Variants in WDHD1 observed in about 807,000 individuals in gnomAD.
WDHD1 encodes the protein WD repeat and HMG-box DNA binding protein 1, also known as WD repeat and HMG-box DNA-binding protein 1.
WDHD1 carries 111 observed loss-of-function variants against 135.4 expected under a neutral mutation model. That is an observed-to-expected ratio of 0.82 (90% CI 0.70 to 0.96). The LOEUF is 0.96. Among genes scored for constraint, WDHD1 ranks in the 40% least tolerant of loss-of-function variants. The probability of loss-of-function intolerance (pLI) is 0.00; values close to 1 mark genes in which losing one functional copy is unlikely to be tolerated. For synonymous variants in WDHD1, 434 were observed against 439.0 expected, an observed-to-expected ratio of 0.99 and a Z score of 0.14; for missense variants, 1,351 against 1,336.3, an observed-to-expected ratio of 1.01 and a Z score of -0.17.
rs761368033 is a variant in WDHD1 at position 55,000,962 on chromosome 14, C to G, written c.724G>C (p.Gly242Arg). The change falls in exon 9 of 26, where the codon GGG becomes CGG. Residue 242 changes from glycine to arginine, a missense_variant. By Grantham distance (125) the Gly-to-Arg change is moderately radical (BLOSUM62 -2). This residue lies in a region of WDHD1 where 1,330 missense variants were observed against 1,296.1 expected (regional missense o/e 1.03). Coordinates refer to ENST00000360586, the MANE Select transcript of WDHD1 (RefSeq NM_007086.4). ...TLNIVTWSPC[G>R]QYLAAGSING... ...ATACTACCTGCAGCTAAATATTGCC[C>G]ACAGGGAGACCAGGTTACTATATTG... is the stretch of plus-strand genomic sequence containing the variant. 38 of 1,586,770 alleles carry G rather than the reference C, an allele frequency of 2.4e-5. No individual in the cohort carries two copies. Among genetic ancestry groups the G allele is most frequent in the Non-Finnish European group, 3.0e-5 (35 of 1,168,052 alleles).
At chr14:54,952,761 T>C (rs1321285944) in intron 24 of WDHD1, among the ~76,000 whole-genome samples, 1 of 152,006 alleles carries the variant, frequency 6.6e-6, no homozygotes, top group African/African-American at 2.4e-5. Flanking sequence ...AGCACAGTAC[T>C]GGTACCAAAA....
rs1378131811 is a variant in WDHD1 at position 54,944,376 on chromosome 14, CT to C, written c.3144del (p.Glu1049LysfsTer3). The C allele has an allele frequency of 1.9e-6, 3 of 1,609,256 alleles. No individual in the cohort carries two copies. Among genetic ancestry groups the C allele is most frequent in the Non-Finnish European group, 2.5e-6 (3 of 1,179,188 alleles). On this transcript the variant is annotated frameshift_variant, in exon 25 of 26. Coordinates refer to ENST00000360586, the MANE Select transcript of WDHD1 (RefSeq NM_007086.4). LOFTEE classifies it high-confidence loss of function. ...AATACTCTAAATCGAATCATTCCTT[CT>C]TTTATTATGTCTGCTTCATCTGAAA... is the stretch of plus-strand genomic sequence containing the variant. ...PDFSDEADIIKEGMIRFRVLS... is the reference protein window; with the variant it reads ...PDFSDEADIIXEGMIRFRVLS...
intron 7 of WDHD1, chr14:55,005,606 G>T: frequency 1.7e-6 from 1 of 598,964 alleles, no homozygotes; most frequent in Admixed American, 1.9e-5. Context: ...GACAAAGCTG[G>T]TGCTACCTAA....
intron 7 of WDHD1, among the ~76,000 whole-genome samples, chr14:55,003,197 T>C (rs1174604242): frequency 1.3e-5 from 2 of 152,074 alleles, no homozygotes; most frequent in African/African-American, 2.4e-5. Context: ...ATCACTTAAA[T>C]CTAGAATGTA....
At position 54,955,707 on chromosome 14, in the gene WDHD1, A is replaced by C. The variant is rs1233140287; in HGVS notation, c.2917-13T>G. ...ATGCTGCAGATGCCTATAAAAACAA[A>C]CATGAATACTGCAATAACATCTAGT... On this transcript the variant is annotated splice_polypyrimidine_tract_variant and intron_variant, in intron 23 of 25. Coordinates refer to ENST00000360586, the MANE Select transcript of WDHD1 (RefSeq NM_007086.4). 6.6e-7 allele frequency: 1 copy of C among 1,522,708 alleles called. No individual in the cohort carries two copies. The highest frequency in any genetic ancestry group is 2.5e-5 in the East Asian group (1 of 40,458). The allele number at this position is 1,522,708 out of a possible 1,614,324, so 94.3% of individuals were successfully genotyped here.
intron 24 of WDHD1, among the ~76,000 whole-genome samples, chr14:54,955,317 T>C (rs1036540232): frequency 5.3e-5 from 8 of 152,154 alleles, no homozygotes; most frequent in African/African-American, 1.9e-4. Context: ...TTACAAAATA[T>C]AATGTCCCAA....
chr14:54,989,212 C>T lies in WDHD1; in HGVS notation c.1342G>A (p.Val448Met), dbSNP rs761909342. ...TPLHLTHRFMVWNSIGIIRCY... is the reference protein window; with the variant it reads ...TPLHLTHRFMMWNSIGIIRCY... ...CGAATAATTCCAATAGAGTTCCACA[C>T]CTACAAACAGGTAAGATTAAATATA... Residue 448 changes from valine to methionine, a missense_variant and splice_region_variant, in exon 13 of 26, where the codon GTG becomes ATG. Val to Met is a conservative substitution (Grantham distance 21, BLOSUM62 1). Transcript: ENST00000360586. The T allele has an allele frequency of 3.7e-6, 6 of 1,608,490 alleles. No homozygotes were observed. The East Asian group carries it at 9.0e-5, about 24-fold the overall frequency.
intron 7 of WDHD1, among the ~76,000 whole-genome samples, chr14:55,006,989 G>C (rs1454562070): frequency 6.6e-6 from 1 of 152,070 alleles, no homozygotes; most frequent in Non-Finnish European, 1.5e-5. Context: ...CATTTTGTGA[G>C]GCTGAGGTGC....
intron 21 of WDHD1, among the ~76,000 whole-genome samples, chr14:54,959,473 A>C (rs767896647): frequency 3.5e-4 from 53 of 151,648 alleles, no homozygotes; most frequent in Non-Finnish European, 5.5e-4. Flanking sequence ...GGCAGGCAGG[A>C]AATTTCTAGC....
chr14:55,001,713 A>G (rs1166466663), intron 8 of WDHD1, among the ~76,000 whole-genome samples: 2 of 152,244 alleles, frequency 1.3e-5, no homozygotes, highest in Non-Finnish European at 2.9e-5. Flanking sequence ...TACTGGGCTT[A>G]TGTTTCCTTA....
intron 24 of WDHD1, among the ~76,000 whole-genome samples, chr14:54,948,324 G>C (rs1014360722): frequency 3.3e-5 from 5 of 152,290 alleles, no homozygotes; most frequent in South Asian, 2.1e-4. Flanking sequence ...GTGACACACA[G>C]CACCTGGAAA....
At position 55,005,702 on chromosome 14, in the gene WDHD1, T is replaced by C. The variant is rs182748107; in HGVS notation, c.600+1578A>G. The C allele has an allele frequency of 3.4e-5, 16 of 467,618 alleles. No individual in the cohort carries two copies. In the East Asian group the frequency reaches 8.2e-4, roughly 24 times the overall value. 29.0% of individuals were successfully genotyped at this position (467,618 alleles called of 1,614,324 possible). A position where few individuals can be genotyped will look rare whatever the true frequency, so the allele number is the denominator to read the frequency against. ...GTTCTAGACATTGTGAAAGTTTCCC[T>C]TTAAGTTACGATGGGAATCCAGAAC... On this transcript the variant is annotated intron_variant, in intron 7 of 25. Transcript: ENST00000360586.
At chr14:54,967,202 T>A in intron 17 of WDHD1, 78 bp downstream of exon 17, 1 of 1,139,754 alleles carries the variant, frequency 8.8e-7, no homozygotes, top group South Asian at 1.3e-5. Context: ...ATACTGGCCA[T>A]CAGGATAATT....
chr14:54,998,069 A>G (rs2041915352), intron 10 of WDHD1, among the ~76,000 whole-genome samples: 1 of 151,208 alleles, frequency 6.6e-6, no homozygotes, highest in Admixed American at 6.6e-5. Flanking sequence ...AAAAATTAGC[A>G]GGGCGTGGTG....
At chr14:54,943,735 G>C (rs2040874575) in intron 25 of WDHD1, among the ~76,000 whole-genome samples, 1 of 151,992 alleles carries the variant, frequency 6.6e-6, no homozygotes, top group South Asian at 2.1e-4. Flanking sequence ...TCTTTTCTTG[G>C]GGTATTCTCC....
rs903105942 is a variant in WDHD1, at chr14:55,026,804, C to T, written c.-16-1G>A. On this transcript the variant is annotated splice_acceptor_variant, in intron 1 of 25. Coordinates refer to ENST00000360586, the MANE Select transcript of WDHD1 (RefSeq NM_007086.4). LOFTEE classifies it low-confidence loss of function (5UTR_SPLICE). Reference sequence around the variant, plus strand: ...GGCAGGCATGTTTTCCTTTACCTATCTGAAAATGTTTTATAAAAGCCAGTC... The same window carrying T: ...GGCAGGCATGTTTTCCTTTACCTATTTGAAAATGTTTTATAAAAGCCAGTC... The T allele has an allele frequency of 2.5e-6, 4 of 1,613,856 alleles. No homozygotes were observed. The highest frequency in any genetic ancestry group is 3.4e-6 in the Non-Finnish European group (4 of 1,179,752).
chr14:55,002,500 A>G (rs905005582), intron 7 of WDHD1, among the ~76,000 whole-genome samples: 2 of 152,164 alleles, frequency 1.3e-5, no homozygotes, highest in African/African-American at 4.8e-5. Context: ...CAATAAGCAA[A>G]AAATAGGTGA....
intron 25 of WDHD1, 47 bp from the exon 26 acceptor site, chr14:54,941,737 C>T (rs780136618): frequency 5.4e-6 from 8 of 1,490,440 alleles, no homozygotes; most frequent in Non-Finnish European, 7.3e-6. Context: ...TAGAAAATAA[C>T]AAATAAGAAG....
In WDHD1 at chr14:54,939,871, A is replaced by G. The variant is rs915907747; in HGVS notation, c.*1619T>C. ...CCACTGAAATGGCGAAACTGCATTT[A>G]CTTTTATATCAACCTAGTATTATAA... On this transcript the variant is annotated 3_prime_UTR_variant, in exon 26 of 26. Transcript: ENST00000360586. 1 of 152,250 alleles carries G rather than the reference A, an allele frequency of 6.6e-6. No homozygotes were observed. The highest frequency in any genetic ancestry group is 1.5e-5 in the Non-Finnish European group (1 of 68,040). 9.4% of individuals were successfully genotyped at this position (152,250 alleles called of 1,614,324 possible). A position where few individuals can be genotyped will look rare whatever the true frequency, so the allele number is the denominator to read the frequency against.
Sources: allele counts gnomAD v4.1 joint callset (sites outside exome capture counted in the v4.1 genomes callset), GRCh38; gene constraint gnomAD v4.1.1; regional missense constraint gnomAD v4.1.1; transcripts MANE v1.5; gene names NCBI Gene and HGNC (gene_info 2026-07-23, HGNC 2026-07-21).